DMRT3: variants seen among roughly 807,000 people sequenced by gnomAD.
DMRT3 encodes doublesex and mab-3 related transcription factor 3.
Under a neutral mutation model 34.9 loss-of-function variants are expected in DMRT3, and 29 were observed. That is an observed-to-expected ratio of 0.83 (90% confidence interval 0.62 to 1.13). DMRT3 has a LOEUF of 1.13. Ranked by LOEUF, DMRT3 falls within the 50% of genes most tolerant of loss-of-function variation. The pLI, the probability that DMRT3 is intolerant of heterozygous loss-of-function variation, is 0.00. For synonymous variants in DMRT3, 350 were observed against 286.0 expected (o/e 1.22, Z -2.26); for missense variants, 772 against 629.1 (o/e 1.23, Z -2.43).
rs113189194 is a variant in DMRT3, at chr9:981,970, T to C, written c.454+4515T>C. Among the ~76,000 whole-genome samples, 1,284 of 152,214 alleles carry C rather than the reference T, an allele frequency of 8.4e-3. 15 individuals carry two copies. Among genetic ancestry groups the C allele is most frequent in the African/African-American group, 0.029 (1,196 of 41,540 alleles). ...CTGCTCTTCCTGAGCTTCACTACCC[T>C]CTCCTTCCCAAGGCAGGAGTCCCGA... On this transcript the variant is annotated intron_variant, in intron 1 of 1. Transcript: ENST00000190165.
At chr9:989,296 C>T (rs1463140959) in intron 1 of DMRT3, among the ~76,000 whole-genome samples, 1 of 152,182 alleles carries the variant, frequency 6.6e-6, no homozygotes, top group Non-Finnish European at 1.5e-5. Flanking sequence ...TTTAACAAAC[C>T]CTTTCTAGCC....
chr9:990,428 C>A lies in DMRT3; in HGVS notation c.842C>A (p.Ala281Asp). ...GGCTGTGGCGGGGACCTGGTGAGCGCCGTGGAAGTCCTTCTGTCCAGCCGA... is the reference window on the plus strand; with the variant it reads ...GGCTGTGGCGGGGACCTGGTGAGCGACGTGGAAGTCCTTCTGTCCAGCCGA... Reference protein sequence around the residue: ...LKGCGGDLVSAVEVLLSSRSS... With the variant: ...LKGCGGDLVSDVEVLLSSRSS... Residue 281 changes from alanine (A) to aspartate (D), a missense_variant, in exon 2 of 2, where the codon GCC (alanine) becomes GAC (aspartate). Physicochemically the swap from Ala to Asp is moderately radical, Grantham distance 126 (BLOSUM62 -2). Coordinates refer to ENST00000190165, the MANE Select transcript of DMRT3 (RefSeq NM_021240.4). 6.2e-7 allele frequency: 1 copy of A among 1,614,114 alleles called. No individual in the cohort carries two copies. The highest frequency in any genetic ancestry group is 8.5e-7 in the Non-Finnish European group (1 of 1,180,026).
rs766582305 is a variant in DMRT3, at chr9:977,255, G to A, written c.254G>A (p.Ser85Asn). 5 of 1,570,546 alleles carry A rather than the reference G, an allele frequency of 3.2e-6. No homozygotes were observed. Among genetic ancestry groups the A allele is most frequent in the South Asian group, 2.3e-5 (2 of 86,640 alleles). Residue 85 changes from serine (S) to asparagine (N), a missense_variant, in exon 1 of 2, where the codon AGC (serine) becomes AAC (asparagine). By Grantham distance (46) the Ser-to-Asn change is conservative. Coordinates refer to ENST00000190165, the MANE Select transcript of DMRT3 (RefSeq NM_021240.4). ...RRQQANESLE[S>N]LIPDSLRALP... ...CAGCAGGCCAACGAGAGCTTGGAGA[G>A]CCTCATCCCCGACTCGCTGCGCGCT... is the stretch of plus-strand genomic sequence containing the variant.
intron 1 of DMRT3, among the ~76,000 whole-genome samples, chr9:982,716 C>T (rs10448246): frequency 0.017 from 2,616 of 152,314 alleles, 31 homozygotes; most frequent in Middle Eastern, 0.027. Flanking sequence ...GGACTCGGAG[C>T]CCTTTTCTGG....
intron 1 of DMRT3, among the ~76,000 whole-genome samples, chr9:989,454 T>C (rs1477749098): frequency 1.3e-5 from 2 of 152,116 alleles, no homozygotes; most frequent in Non-Finnish European, 2.9e-5. Context: ...AGAGGTATCT[T>C]TCACTTCAGC....
chr9:976,940 C>A lies in DMRT3; in HGVS notation c.-62C>A, dbSNP rs562413427. On this transcript the variant is annotated 5_prime_UTR_variant, in exon 1 of 2. Coordinates refer to ENST00000190165, the MANE Select transcript of DMRT3 (RefSeq NM_021240.4). The surrounding 1 kb of genome is among the most constrained non-coding windows in gnomAD (Gnocchi z 4.5). ...CCCTGAGCGGGCCTCGCAGCCCCGC[C>A]GTCCAGCGCTCCCTGGCCCTCTCCC... is the stretch of plus-strand genomic sequence containing the variant. 289 of 1,380,054 alleles carry A rather than the reference C, an allele frequency of 2.1e-4. 4 individuals are homozygous for A. In the South Asian group the frequency reaches 4.6e-3, roughly 22 times the overall value. 85.5% of individuals were successfully genotyped at this position (1,380,054 alleles called of 1,614,324 possible). A position where few individuals can be genotyped will look rare whatever the true frequency, so the allele number is the denominator to read the frequency against.
intron 1 of DMRT3, 163 bp from the exon 2 acceptor site, chr9:989,878 C>T (rs552316086): frequency 1.5e-5 from 12 of 800,944 alleles, no homozygotes; most frequent in Non-Finnish European, 2.3e-5. Context: ...GTTTCATTTG[C>T]CAGTGATATA....
chr9:988,896 A>G (rs1173837060), intron 1 of DMRT3, among the ~76,000 whole-genome samples: 1 of 152,204 alleles, frequency 6.6e-6, no homozygotes, highest in Non-Finnish European at 1.5e-5. Context: ...GCTTGCTACT[A>G]AAAAATATGT....
intron 1 of DMRT3, among the ~76,000 whole-genome samples, chr9:981,597 G>T (rs1255781693): frequency 3.9e-5 from 6 of 152,216 alleles, no homozygotes; most frequent in Non-Finnish European, 1.5e-5. Flanking sequence ...TGCTGCTGGG[G>T]ACCGGTCTTC....
chr9:987,135 C>G (rs144856399), intron 1 of DMRT3, among the ~76,000 whole-genome samples: 2 of 152,248 alleles, frequency 1.3e-5, no homozygotes, highest in East Asian at 3.9e-4. Flanking sequence ...GTGCAACCAT[C>G]ACCACCATCC....
At chr9:978,735 A>G (rs758128566) in intron 1 of DMRT3, among the ~76,000 whole-genome samples, 5 of 152,172 alleles carry the variant, frequency 3.3e-5, no homozygotes, top group Non-Finnish European at 7.3e-5. Context: ...AAGCTCTGAG[A>G]ACAGCCTGTG....
intron 1 of DMRT3, 53 bp downstream of exon 1, chr9:977,508 G>C (rs1348739853): frequency 8.1e-7 from 1 of 1,237,190 alleles, no homozygotes; most frequent in East Asian, 3.2e-5. Flanking sequence ...CAACTTCGGA[G>C]TGCCAGCTGC....
intron 1 of DMRT3, among the ~76,000 whole-genome samples, chr9:988,173 A>G (rs907629762): frequency 6.6e-6 from 1 of 152,240 alleles, no homozygotes; most frequent in Non-Finnish European, 1.5e-5. Context: ...GAGTCTTTCT[A>G]TAGAGTCATT....
chr9:987,483 C>G (rs956336183), intron 1 of DMRT3, among the ~76,000 whole-genome samples: 33 of 151,044 alleles, frequency 2.2e-4, no homozygotes, highest in African/African-American at 7.8e-4. Context: ...CATTCATGCA[C>G]TGATGGACAT....
rs982695439 is a variant in DMRT3, at chr9:991,610, A to G, written c.*605A>G. On this transcript the variant is annotated 3_prime_UTR_variant, in exon 2 of 2. Coordinates refer to ENST00000190165, the MANE Select transcript of DMRT3 (RefSeq NM_021240.4). ...CTGAATCGAAACATGTGTAATGTCAATGTAAAACCAATCACAGCTGTGAAC... is the reference window on the plus strand; with the variant it reads ...CTGAATCGAAACATGTGTAATGTCAGTGTAAAACCAATCACAGCTGTGAAC... 1.3e-5 allele frequency: 2 copies of G among 152,824 alleles called. No homozygotes were observed. The highest frequency in any genetic ancestry group is 4.8e-5 in the African/African-American group (2 of 41,470). The allele number at this position is 152,824 out of a possible 1,614,324, so 9.5% of individuals were successfully genotyped here.
intron 1 of DMRT3, chr9:989,815 A>G: frequency 3.9e-6 from 2 of 514,026 alleles, no homozygotes; most frequent in South Asian, 5.5e-5. Flanking sequence ...TTCCTTGCAC[A>G]AAGCATTCCA....
chr9:986,227 G>A (rs564006434), intron 1 of DMRT3, among the ~76,000 whole-genome samples: 2 of 152,084 alleles, frequency 1.3e-5, no homozygotes, highest in Non-Finnish European at 2.9e-5. Flanking sequence ...CGTCTGTTCC[G>A]CAGAACTTAG....
Position 980,258 on chromosome 9 carries a change from A to G in DMRT3, c.454+2803A>G, listed in dbSNP as rs898001562. Among the ~76,000 whole-genome samples the G allele has an allele frequency of 2.2e-4, 34 of 152,212 alleles. 1 individual carries two copies. Among genetic ancestry groups the G allele is most frequent in the African/African-American group, 8.2e-4 (34 of 41,532 alleles). On this transcript the variant is annotated intron_variant, in intron 1 of 1. Transcript: ENST00000190165. ...AAAACTCAGTTTTGTAACTGGAAGA[A>G]TTTTTTCTCAAATTCTGCTTTAGAT...
intron 1 of DMRT3, among the ~76,000 whole-genome samples, chr9:985,745 A>G (rs1055128175): frequency 6.6e-6 from 1 of 152,214 alleles, no homozygotes; most frequent in East Asian, 1.9e-4. Context: ...GTTAGAGGCT[A>G]GTCTTCCTTT....
Sources: gnomAD v4.1 joint callset for allele counts (sites outside exome capture counted in the v4.1 genomes callset) on GRCh38, gnomAD v4.1.1 for gene constraint, Gnocchi (gnomAD v3.1) non-coding constraint, MANE v1.5 for transcripts, NCBI Gene and HGNC (gene_info 2026-07-23, HGNC 2026-07-21) for gene names.